The following COL15A1 variants were observed in gnomAD, a reference collection of about 807,000 sequenced individuals.
COL15A1 encodes collagen alpha-1(XV) chain.
COL15A1 carries 111 observed loss-of-function variants against 165.9 expected under a neutral mutation model. That is an observed-to-expected ratio of 0.67 (90% CI 0.57 to 0.78). COL15A1 has a LOEUF of 0.78. Among genes scored for constraint, COL15A1 ranks in the 30% least tolerant of loss-of-function variants. COL15A1 has a pLI of 0.00. For synonymous variants in COL15A1, 659 were observed against 674.8 expected, an observed-to-expected ratio of 0.98 and a Z score of 0.36; for missense variants, 1,745 against 1,789.7, an observed-to-expected ratio of 0.98 and a Z score of 0.45.
At chr9:98,964,308 C>T (rs1318476807) in intron 2 of COL15A1, among the ~76,000 whole-genome samples, 1 of 148,450 alleles carries the variant, frequency 6.7e-6, no homozygotes, top group Admixed American at 7.0e-5. Flanking sequence ...ACAGGCTGTT[C>T]CTCCAGCAAA....
At chr9:99,012,092 G>T (rs1180751050) in intron 9 of COL15A1, among the ~76,000 whole-genome samples, 1 of 152,180 alleles carries the variant, frequency 6.6e-6, no homozygotes. Context: ...GTATGAAATT[G>T]CTTGATCAAT....
At chr9:99,003,630 G>A in intron 8 of COL15A1, 43 bp downstream of exon 8, 1 of 1,448,158 alleles carries the variant, frequency 6.9e-7, no homozygotes. Context: ...CTGTGTCTGG[G>A]GTTGTGGGTT....
At chr9:98,945,525 G>A (rs10988291) in intron 2 of COL15A1, among the ~76,000 whole-genome samples, 3,681 of 136,234 alleles carry the variant, frequency 0.027, 150 homozygotes, top group African/African-American at 0.09. Flanking sequence ...ACCTCTAGTC[G>A]GCCCAAAGGA....
intron 39 of COL15A1, 135 bp downstream of exon 39, chr9:99,063,244 AT>A: frequency 9.0e-7 from 1 of 1,105,416 alleles, no homozygotes; most frequent in Non-Finnish European, 1.2e-6. Flanking sequence ...AAAACAGAGA[AT>A]TACAATACAG....
intron 29 of COL15A1, 43 bp downstream of exon 29, chr9:99,049,801 G>C (rs749568782): frequency 6.8e-6 from 11 of 1,614,260 alleles, no homozygotes; most frequent in Non-Finnish European, 7.6e-6. Context: ...ATTGGCCTAA[G>C]CTGGAGTCAG....
Position 99,048,662 on chromosome 9 carries a change from A to G in COL15A1, c.2793+662A>G, listed in dbSNP as rs911225562. Among the ~76,000 whole-genome samples the G allele has an allele frequency of 4.0e-5, 6 of 151,488 alleles. No homozygotes were observed. In the East Asian group the frequency reaches 1.2e-3, roughly 29 times the overall value. On this transcript the variant is annotated intron_variant, in intron 28 of 41. Transcript: ENST00000375001. ...ACCCATTAACTCGTCATTTAGCATTAGGTATATCTTCTAATGCTATCCCTC... is the reference window on the plus strand; with the variant it reads ...ACCCATTAACTCGTCATTTAGCATTGGGTATATCTTCTAATGCTATCCCTC...
At chr9:99,040,294 A>G (rs112732444) in intron 22 of COL15A1, among the ~76,000 whole-genome samples, 2,285 of 152,052 alleles carry the variant, frequency 0.015, 58 homozygotes, top group African/African-American at 0.051. Context: ...CTGCATTACC[A>G]TGCCTCCACC....
chr9:99,015,452 A>C lies in COL15A1; in HGVS notation c.1389A>C (p.Ala463=), dbSNP rs768653244. The C allele has an allele frequency of 6.2e-7, 1 of 1,608,096 alleles. No homozygotes were observed. Among genetic ancestry groups the C allele is most frequent in the Non-Finnish European group, 8.5e-7 (1 of 1,175,284 alleles). The change falls in exon 10 of 42, where the codon GCA becomes GCC. Residue 463 remains alanine, a synonymous_variant. Transcript: ENST00000375001. ...PSSEDSLTTA[A]AATEVSLSTF... ...GTGAAGACAGTTTAACAACAGCTGC[A>C]GCTGCAACCGAAGTGTCCCTCAGTA...
chr9:98,964,591 T>C lies in COL15A1; in HGVS notation c.100+20341T>C, dbSNP rs1837925093. Among the ~76,000 whole-genome samples the C allele has an allele frequency of 2.0e-5, 3 of 152,336 alleles. No homozygotes were observed. In the South Asian group the frequency reaches 6.2e-4, roughly 32 times the overall value. ...CCCCTACTCAGCAGCATCAACGTCA[T>C]TGCATGTGAACCACAGGTCCCCACC... On this transcript the variant is annotated intron_variant, in intron 2 of 41. Transcript: ENST00000375001.
chr9:98,960,985 G>A (rs2118798240), intron 2 of COL15A1, among the ~76,000 whole-genome samples: 1 of 152,328 alleles, frequency 6.6e-6, no homozygotes, highest in Non-Finnish European at 1.5e-5. Context: ...CCTTCCAGTG[G>A]AGGGAGATAA....
rs1249868583 is a variant in COL15A1 at position 99,070,062 on chromosome 9, G to C, written c.*176G>C. ...ATACACTCAAAACTGAAGACATAGA[G>C]GACTCAGATCAAAGACAAAATCTGA... On this transcript the variant is annotated 3_prime_UTR_variant, in exon 42 of 42. Coordinates refer to ENST00000375001, the MANE Select transcript of COL15A1 (RefSeq NM_001855.5). 6.9e-6 allele frequency: 4 copies of C among 581,704 alleles called. No individual in the cohort carries two copies. The highest frequency in any genetic ancestry group is 1.2e-5 in the Non-Finnish European group (4 of 338,134). 36.0% of individuals were successfully genotyped at this position (581,704 alleles called of 1,614,324 possible). A position where few individuals can be genotyped will look rare whatever the true frequency, so the allele number is the denominator to read the frequency against.
At chr9:99,059,837 C>T in intron 35 of COL15A1, 52 bp from the exon 36 acceptor site, 1 of 1,603,272 alleles carries the variant, frequency 6.2e-7, no homozygotes, top group Non-Finnish European at 8.5e-7. Flanking sequence ...ATACCTCAGA[C>T]ATTTTTCAGA....
In COL15A1 at chr9:99,044,649, C is replaced by T; in HGVS notation, c.2643+13C>T. 1 of 1,613,736 alleles carries T rather than the reference C, an allele frequency of 6.2e-7. No individual in the cohort carries two copies. Among genetic ancestry groups the T allele is most frequent in the Non-Finnish European group, 8.5e-7 (1 of 1,179,654 alleles). ...GATGGGGAAAAAGGTAATTATGTCA[C>T]CAGACCCTGCAGGCACATATCTGCC... On this transcript the variant is annotated intron_variant, in intron 25 of 41. Transcript: ENST00000375001.
chr9:98,989,358 C>T (rs1377094965), intron 5 of COL15A1, 100 bp downstream of exon 5: 2 of 935,704 alleles, frequency 2.1e-6, no homozygotes, highest in African/African-American at 3.3e-5. Flanking sequence ...CTCTTTGTTT[C>T]CAGACCTGTG....
At chr9:99,001,513 T>C (rs1838654826) in intron 7 of COL15A1, among the ~76,000 whole-genome samples, 1 of 152,210 alleles carries the variant, frequency 6.6e-6, no homozygotes, top group African/African-American at 2.4e-5. Flanking sequence ...AGTCACTATC[T>C]GGTAACAGTC....
chr9:98,964,345 T>C (rs1030950641), intron 2 of COL15A1, among the ~76,000 whole-genome samples: 10 of 152,334 alleles, frequency 6.6e-5, no homozygotes, highest in African/African-American at 2.4e-4. Flanking sequence ...AGCTGTACTT[T>C]CATCTAAATT....
At position 98,985,581 on chromosome 9, in the gene COL15A1, T is replaced by C; in HGVS notation, c.117T>C (p.Gly39=). ...TCCCTGCAGAGACTGCTTCCCAGGG[T>C]CACCTGGACCTCACGCAGCTCATCG... The part of the protein sequence containing the change: ...TRGATETASQ[G]HLDLTQLIGV... Residue 39 remains glycine (G), a synonymous_variant, in exon 3 of 42, where the codon GGT becomes GGC. Coordinates refer to ENST00000375001, the MANE Select transcript of COL15A1 (RefSeq NM_001855.5). 1 of 1,612,398 alleles carries C rather than the reference T, an allele frequency of 6.2e-7. No individual in the cohort carries two copies. The highest frequency in any genetic ancestry group is 8.5e-7 in the Non-Finnish European group (1 of 1,178,546).
chr9:99,005,119 G>A (rs965958422), intron 9 of COL15A1, 69 bp downstream of exon 9: 28 of 1,463,734 alleles, frequency 1.9e-5, no homozygotes, highest in Admixed American at 1.4e-4. Flanking sequence ...TCAGAGTGTG[G>A]GGCTCCTGCT....
At chr9:99,019,816 C>A (rs894191603) in intron 11 of COL15A1, among the ~76,000 whole-genome samples, 3 of 152,196 alleles carry the variant, frequency 2.0e-5, no homozygotes, top group Admixed American at 6.5e-5. Context: ...AATAAATTAG[C>A]TGTCTAGAAT....
Sources: gnomAD v4.1 joint callset for allele counts (sites outside exome capture counted in the v4.1 genomes callset) on GRCh38, gnomAD v4.1.1 for gene constraint, MANE v1.5 for transcripts, NCBI Gene and HGNC (gene_info 2026-07-23, HGNC 2026-07-21) for gene names.